Variants in ZNF407 observed in about 807,000 individuals in gnomAD.
ZNF407 encodes the protein zinc finger protein 407.
Under a neutral mutation model 131.2 loss-of-function variants are expected in ZNF407, and 17 were observed. The ratio of observed to expected loss-of-function variants is 0.13; its 90% CI spans 0.09 to 0.19. ZNF407 has a LOEUF of 0.19. ZNF407 is among the 10% of genes least tolerant of loss of function. The pLI is 1.00. For synonymous variants in ZNF407, 1,156 were observed against 1,062.0 expected, an observed-to-expected ratio of 1.09 and a Z score of -1.72; for missense variants, 2,681 against 2,830.6, an observed-to-expected ratio of 0.95 and a Z score of 1.20.
intron 8 of ZNF407, among the ~76,000 whole-genome samples, chr18:75,021,228 T>G (rs192533673): frequency 6.6e-6 from 1 of 152,180 alleles, no homozygotes; most frequent in Non-Finnish European, 1.5e-5. Context: ...TATATATGTA[T>G]TTATATTTGT....
rs1568134990 is a variant in ZNF407 at position 74,633,792 on chromosome 18, G to T, written c.2773G>T (p.Gly925Trp). The T allele has an allele frequency of 6.2e-7, 1 of 1,613,942 alleles. No individual in the cohort carries two copies. Among genetic ancestry groups the T allele is most frequent in the Non-Finnish European group, 8.5e-7 (1 of 1,179,888 alleles). ...TTCAGATATCATTGTTGGCCCTGAA[G>T]GGGGTAGCCTTGAAGCTGGTAAAAA... ...HSSDIIVGPE[G>W]GSLEAGKKNA... The change falls in exon 2 of 9, where the codon GGG becomes TGG. Residue 925 changes from glycine (G) to tryptophan (W), a missense_variant. By Grantham distance (184) the Gly-to-Trp change is radical (BLOSUM62 -2). This residue lies in a region of ZNF407 where 1,789 missense variants were observed against 1,748.7 expected (regional missense o/e 1.02). Transcript: ENST00000299687.
At chr18:74,745,882 G>A (rs567572643) in intron 3 of ZNF407, among the ~76,000 whole-genome samples, 1 of 152,258 alleles carries the variant, frequency 6.6e-6, no homozygotes, top group African/African-American at 2.4e-5. Flanking sequence ...CACTCTGTCT[G>A]TGTATAGCAG....
intron 3 of ZNF407, among the ~76,000 whole-genome samples, chr18:74,657,640 G>A (rs1985522429): frequency 6.6e-6 from 1 of 152,176 alleles, no homozygotes; most frequent in Non-Finnish European, 1.5e-5. Flanking sequence ...CTAACTGGCT[G>A]TAAAGTGTTC....
intron 5 of ZNF407, among the ~76,000 whole-genome samples, chr18:74,878,458 C>T (rs770117423): frequency 6.6e-6 from 1 of 152,102 alleles, no homozygotes; most frequent in Non-Finnish European, 1.5e-5. Flanking sequence ...AGGTCTCCAG[C>T]CTGCCCTGAG....
rs932793221 is a variant in ZNF407, at chr18:75,009,907, A to T, written c.5429-53243A>T. ...TTTGCATTTTATTATTTCTAAAATC[A>T]GAAATCCCAATTATTTGTTTTAACA... On this transcript the variant is annotated intron_variant, in intron 8 of 8. Coordinates refer to ENST00000299687, the MANE Select transcript of ZNF407 (RefSeq NM_017757.3). Among the ~76,000 whole-genome samples the T allele has an allele frequency of 8.5e-5, 13 of 152,344 alleles. No homozygotes were observed. In the East Asian group the frequency reaches 2.5e-3, roughly 29 times the overall value.
At chr18:74,859,417 G>A (rs867006004) in intron 4 of ZNF407, among the ~76,000 whole-genome samples, 2 of 152,100 alleles carry the variant, frequency 1.3e-5, no homozygotes, top group South Asian at 4.1e-4. Flanking sequence ...GATCAAATGT[G>A]GGGCAGTTCT....
intron 4 of ZNF407, among the ~76,000 whole-genome samples, chr18:74,875,825 T>C (rs550982764): frequency 7.2e-5 from 11 of 152,220 alleles, no homozygotes; most frequent in Non-Finnish European, 1.5e-5. Context: ...TTAATATTAA[T>C]GAAGCATTTA....
chr18:74,941,141 C>T (rs996230567), intron 8 of ZNF407, among the ~76,000 whole-genome samples: 3 of 152,142 alleles, frequency 2.0e-5, no homozygotes, highest in African/African-American at 7.2e-5. Context: ...CAAGACTTTC[C>T]TGTTGGAGCA....
intron 8 of ZNF407, among the ~76,000 whole-genome samples, chr18:74,990,181 G>T (rs1972702129): frequency 1.3e-5 from 2 of 152,168 alleles, no homozygotes; most frequent in East Asian, 1.9e-4. Context: ...GGTACTCGGG[G>T]TAATAGAATA....
chr18:74,925,554 A>G (rs1288896507), intron 8 of ZNF407, among the ~76,000 whole-genome samples: 1 of 152,278 alleles, frequency 6.6e-6, no homozygotes, highest in African/African-American at 2.4e-5. Flanking sequence ...TGTTCAATAC[A>G]TAGAACCTTG....
intron 3 of ZNF407, among the ~76,000 whole-genome samples, chr18:74,651,518 C>A (rs1985224680): frequency 6.6e-6 from 1 of 152,082 alleles, no homozygotes; most frequent in Non-Finnish European, 1.5e-5. Context: ...GAGACTGTGT[C>A]ATTAGAAGTT....
At chr18:74,919,172 G>A (rs1218715660) in intron 7 of ZNF407, among the ~76,000 whole-genome samples, 1 of 152,112 alleles carries the variant, frequency 6.6e-6, no homozygotes, top group Admixed American at 6.5e-5. Context: ...TACTCCTCTC[G>A]TCAGGAGTGG....
chr18:74,607,423 A>C (rs571813357), intron 1 of ZNF407, among the ~76,000 whole-genome samples: 1 of 152,132 alleles, frequency 6.6e-6, no homozygotes, highest in African/African-American at 2.4e-5. Flanking sequence ...TACTCGGATA[A>C]TCTAGTTCTT....
chr18:74,628,125 A>G (rs1983884478), intron 1 of ZNF407, among the ~76,000 whole-genome samples: 2 of 152,150 alleles, frequency 1.3e-5, no homozygotes, highest in South Asian at 4.1e-4. Context: ...TATTTTCTGG[A>G]ACCTATTCTG....
At chr18:74,950,745 A>C (rs1458910565) in intron 8 of ZNF407, among the ~76,000 whole-genome samples, 3 of 152,188 alleles carry the variant, frequency 2.0e-5, no homozygotes, top group Admixed American at 6.5e-5. Context: ...AGTTCTCTCT[A>C]AACCCAGGGA....
intron 4 of ZNF407, among the ~76,000 whole-genome samples, chr18:74,801,026 AT>A (rs1239382841): frequency 6.6e-6 from 1 of 152,044 alleles, no homozygotes; most frequent in Non-Finnish European, 1.5e-5. Flanking sequence ...AATCCTAGAC[AT>A]TTAGGCACTT....
intron 3 of ZNF407, among the ~76,000 whole-genome samples, chr18:74,669,619 C>G (rs1428699735): frequency 2.0e-5 from 3 of 152,176 alleles, no homozygotes; most frequent in Admixed American, 1.3e-4. Context: ...GACAATGGTG[C>G]CTCAGTGTTT....
At chr18:74,714,879 A>AT (rs895014917) in intron 3 of ZNF407, among the ~76,000 whole-genome samples, 2 of 151,814 alleles carry the variant, frequency 1.3e-5, no homozygotes, top group East Asian at 1.9e-4. Context: ...AAGTTGGTAA[A>AT]TTTTTTTTGC....
intron 4 of ZNF407, among the ~76,000 whole-genome samples, chr18:74,809,107 A>C (rs78003333): frequency 6.6e-6 from 1 of 152,212 alleles, no homozygotes; most frequent in Non-Finnish European, 1.5e-5. Context: ...ACGAAAAAAA[A>C]CAGCAAAACG....
Sources: gnomAD v4.1 joint callset for allele counts (sites outside exome capture counted in the v4.1 genomes callset) on GRCh38, gnomAD v4.1.1 for gene constraint, gnomAD v4.1.1 regional missense constraint, MANE v1.5 for transcripts, NCBI Gene and HGNC (gene_info 2026-07-23, HGNC 2026-07-21) for gene names.